Variants in LIN7A observed in about 807,000 individuals in gnomAD.
LIN7A encodes the protein lin-7 cell polarity scaffold A, also known as protein lin-7 homolog A.
In LIN7A, 25 loss-of-function variants were observed where a neutral mutation model predicts 29.8. The ratio of observed to expected loss-of-function variants is 0.84; its 90% CI spans 0.61 to 1.17. The LOEUF (loss-of-function observed/expected upper bound fraction) is 1.17, where lower values mean the gene tolerates loss of function less well. Among genes scored for constraint, LIN7A ranks in the 50% most tolerant of loss-of-function variants. The probability of loss-of-function intolerance (pLI) is 0.00; values close to 1 mark genes in which losing one functional copy is unlikely to be tolerated. For synonymous variants in LIN7A, 118 were observed against 107.5 expected, an observed-to-expected ratio of 1.10 and a Z score of -0.60; for missense variants, 239 against 287.0, an observed-to-expected ratio of 0.83 and a Z score of 1.21.
chr12:80,914,798 T>C (rs1876945778), intron 1 of LIN7A, among the ~76,000 whole-genome samples: 1 of 152,160 alleles, frequency 6.6e-6, no homozygotes, highest in African/African-American at 2.4e-5. Flanking sequence ...CTCAGCATAT[T>C]GGGAGGCTGA....
At chr12:80,805,465 G>T (rs1870932079) in intron 5 of LIN7A, among the ~76,000 whole-genome samples, 1 of 152,064 alleles carries the variant, frequency 6.6e-6, no homozygotes, top group African/African-American at 2.4e-5. Context: ...CAGCAACTTT[G>T]TAAATTTAAT....
chr12:80,887,528 C>A (rs768332659), intron 2 of LIN7A, among the ~76,000 whole-genome samples: 1 of 152,110 alleles, frequency 6.6e-6, no homozygotes, highest in Non-Finnish European at 1.5e-5. Flanking sequence ...CATTAGCTTT[C>A]GGTTTTTGCA....
intron 5 of LIN7A, among the ~76,000 whole-genome samples, chr12:80,801,211 A>G (rs1013439193): frequency 2.0e-5 from 3 of 152,208 alleles, no homozygotes; most frequent in Admixed American, 2.0e-4. Context: ...AAATTTTGCA[A>G]TGAAAAAGTG....
chr12:80,883,680 T>A (rs1030009068), intron 2 of LIN7A, among the ~76,000 whole-genome samples: 1 of 152,186 alleles, frequency 6.6e-6, no homozygotes, highest in Non-Finnish European at 1.5e-5. Flanking sequence ...TGCACATACA[T>A]GATATTTAAT....
intron 5 of LIN7A, among the ~76,000 whole-genome samples, chr12:80,806,771 A>T (rs1871010423): frequency 6.6e-6 from 1 of 152,240 alleles, no homozygotes; most frequent in Non-Finnish European, 1.5e-5. Context: ...CAAATTAATT[A>T]AAATGTAATT....
chr12:80,877,469 CAAAT>C (rs1874769816), intron 2 of LIN7A, among the ~76,000 whole-genome samples: 1 of 151,754 alleles, frequency 6.6e-6, no homozygotes, highest in South Asian at 2.1e-4. Context: ...ACATTTTAAA[CAAAT>C]AAAATTAAAA....
At chr12:80,814,181 T>G (rs1871423744) in intron 4 of LIN7A, among the ~76,000 whole-genome samples, 1 of 152,310 alleles carries the variant, frequency 6.6e-6, no homozygotes, top group African/African-American at 2.4e-5. Context: ...TATTAAGCAT[T>G]TATTTTATGA....
chr12:80,836,949 T>TC (rs1434577881), intron 4 of LIN7A, among the ~76,000 whole-genome samples: 2 of 151,824 alleles, frequency 1.3e-5, no homozygotes, highest in East Asian at 1.9e-4. Flanking sequence ...TTTTTTTTTT[T>TC]CTCATCAAAG....
chr12:80,808,542 G>T (rs1254394623), intron 5 of LIN7A, among the ~76,000 whole-genome samples: 1 of 135,104 alleles, frequency 7.4e-6, no homozygotes, highest in African/African-American at 2.8e-5. Context: ...GTCTCGCTCT[G>T]TCACCCAGGC....
intron 2 of LIN7A, among the ~76,000 whole-genome samples, chr12:80,876,266 A>G (rs118163606): frequency 6.6e-6 from 1 of 152,292 alleles, no homozygotes; most frequent in Non-Finnish European, 1.5e-5. Context: ...TGAAGGGATG[A>G]GAACCTAGAA....
At chr12:80,856,706 C>CT (rs1456195296) in intron 2 of LIN7A, among the ~76,000 whole-genome samples, 2 of 152,172 alleles carry the variant, frequency 1.3e-5, no homozygotes, top group East Asian at 3.8e-4. Context: ...TCAGTTAACA[C>CT]TCATTAATAT....
intron 1 of LIN7A, among the ~76,000 whole-genome samples, chr12:80,917,095 G>A (rs1480330076): frequency 6.6e-6 from 1 of 152,154 alleles, no homozygotes; most frequent in South Asian, 2.1e-4. Flanking sequence ...AATACTTCTA[G>A]GGAGGTGACA....
intron 1 of LIN7A, among the ~76,000 whole-genome samples, chr12:80,922,232 T>C (rs1276976932): frequency 6.6e-6 from 1 of 152,186 alleles, no homozygotes; most frequent in Non-Finnish European, 1.5e-5. Context: ...AAAATCCGTA[T>C]TAAAACCTCA....
At chr12:80,821,595 G>C (rs1426415248) in intron 4 of LIN7A, among the ~76,000 whole-genome samples, 1 of 152,214 alleles carries the variant, frequency 6.6e-6, no homozygotes, top group Non-Finnish European at 1.5e-5. Flanking sequence ...ACATGTGATT[G>C]CAGCTGCAGC....
chr12:80,869,317 T>C (rs1036921507), intron 2 of LIN7A, among the ~76,000 whole-genome samples: 3 of 152,126 alleles, frequency 2.0e-5, no homozygotes, highest in Non-Finnish European at 4.4e-5. Context: ...CACAAACATA[T>C]AGCATTTCTA....
At chr12:80,916,270 C>T (rs1877026549) in intron 1 of LIN7A, among the ~76,000 whole-genome samples, 1 of 152,194 alleles carries the variant, frequency 6.6e-6, no homozygotes, top group South Asian at 2.1e-4. Flanking sequence ...AAAATCCCTC[C>T]TGTGGCTTAG....
chr12:80,875,747 G>T (rs1013944069), intron 2 of LIN7A, among the ~76,000 whole-genome samples: 6 of 152,048 alleles, frequency 3.9e-5, no homozygotes, highest in African/African-American at 1.5e-4. Context: ...TTATTATTTG[G>T]CTGATATCAT....
chr12:80,866,141 A>T (rs559536039), intron 2 of LIN7A, among the ~76,000 whole-genome samples: 2 of 152,218 alleles, frequency 1.3e-5, no homozygotes, highest in Non-Finnish European at 2.9e-5. Flanking sequence ...ATGTAGACAT[A>T]TTCTTCAAAG....
At chr12:80,889,465 G>C in intron 1 of LIN7A, 96 bp from the exon 2 acceptor site, 1 of 761,888 alleles carries the variant, frequency 1.3e-6, no homozygotes, top group Non-Finnish European at 2.2e-6. Flanking sequence ...ACATTGAAAA[G>C]CAAGTGGACT....
Sources: gnomAD v4.1 joint callset for allele counts (sites outside exome capture counted in the v4.1 genomes callset) on GRCh38, gnomAD v4.1.1 for gene constraint, MANE v1.5 for transcripts, NCBI Gene and HGNC (gene_info 2026-07-23, HGNC 2026-07-21) for gene names.